NGEF: variants seen among roughly 807,000 people sequenced by gnomAD.
The protein encoded by NGEF is neuronal guanine nucleotide exchange factor, also known as ephexin-1.
A neutral mutation model predicts 80.9 loss-of-function variants in NGEF; 31 were observed. The ratio of observed to expected loss-of-function variants is 0.38; its 90% CI spans 0.29 to 0.52. The LOEUF (loss-of-function observed/expected upper bound fraction) is 0.52, where lower values mean the gene tolerates loss of function less well. NGEF is among the 20% of genes least tolerant of loss of function. The pLI, the probability that NGEF is intolerant of heterozygous loss-of-function variation, is 0.84. For missense variants in NGEF, 709 were observed against 926.2 expected (o/e 0.77, Z 3.04); for synonymous variants, 371 against 370.2 (o/e 1.00, Z -0.03).
intron 3 of NGEF, among the ~76,000 whole-genome samples, chr2:232,946,510 G>C (rs1226743500): frequency 6.6e-6 from 1 of 152,154 alleles, no homozygotes; most frequent in Non-Finnish European, 1.5e-5. Context: ...TGGAATTAGG[G>C]TATTCATGTG....
At chr2:232,912,392 T>C (rs2106267710) in intron 5 of NGEF, among the ~76,000 whole-genome samples, 1 of 152,322 alleles carries the variant, frequency 6.6e-6, no homozygotes, top group South Asian at 2.1e-4. Context: ...GCTCTTTTTA[T>C]ACATTGCTGG....
intron 3 of NGEF, among the ~76,000 whole-genome samples, chr2:232,939,175 C>CAAAAAAAA (rs60357492): frequency 3.0e-5 from 2 of 66,072 alleles, no homozygotes; most frequent in Non-Finnish European, 5.6e-5. Flanking sequence ...GACTCAGTCT[C>CAAAAAAAA]AAAAAAAAAA....
intron 1 of NGEF, among the ~76,000 whole-genome samples, chr2:232,979,931 G>A (rs1218205442): frequency 6.6e-5 from 10 of 151,808 alleles, no homozygotes; most frequent in Admixed American, 6.6e-4. Context: ...ATGAGTCAAT[G>A]TGATAATTAC....
chr2:232,923,899 A>C (rs2106280266), intron 4 of NGEF, among the ~76,000 whole-genome samples: 1 of 152,216 alleles, frequency 6.6e-6, no homozygotes, highest in South Asian at 2.1e-4. Flanking sequence ...CTAAGACATG[A>C]GGGCACTGCC....
chr2:232,894,591 T>C, intron 6 of NGEF, 165 bp downstream of exon 6: 1 of 719,208 alleles, frequency 1.4e-6, no homozygotes, highest in South Asian at 4.5e-5. Flanking sequence ...GAAGGGGTGG[T>C]GAGGTTTGGA....
intron 7 of NGEF, among the ~76,000 whole-genome samples, chr2:232,891,965 GGGATGGCAGGGACGGCA>G (rs1691898204): frequency 6.8e-5 from 1 of 14,752 alleles, no homozygotes; most frequent in African/African-American, 1.9e-4. Context: ...CATGTCAGCA[GGGATGGCAGGGACGGCA>G]GGGACAGCAG....
At chr2:232,997,374 G>A (rs1694876021) in intron 1 of NGEF, among the ~76,000 whole-genome samples, 1 of 152,178 alleles carries the variant, frequency 6.6e-6, no homozygotes, top group South Asian at 2.1e-4. Context: ...CCTCACAGGG[G>A]TTGGAGGGAC....
At chr2:232,993,311 A>C (rs1461589414) in intron 1 of NGEF, among the ~76,000 whole-genome samples, 1 of 122,330 alleles carries the variant, frequency 8.2e-6, no homozygotes, top group East Asian at 2.9e-4. Context: ...CAATAAATAC[A>C]TGAAAAGATG....
In NGEF at chr2:232,879,430, C is replaced by CG. The variant is rs1559186709; in HGVS notation, c.*58_*59insC. The CG allele has an allele frequency of 2.0e-6, 3 of 1,465,560 alleles. No homozygotes were observed. The highest frequency in any genetic ancestry group is 1.4e-5 in the African/African-American group (1 of 71,382). The allele number at this position is 1,465,560 out of a possible 1,614,324, so 90.8% of individuals were successfully genotyped here. On this transcript the variant is annotated 3_prime_UTR_variant, in exon 15 of 15. Coordinates refer to ENST00000264051, the MANE Select transcript of NGEF (RefSeq NM_019850.3). ...CCTGTGCTTCCCAGAGCCCCCCCCC[C>CG]CCCACCTTCTGTCGGGGTCTCATGC...
rs553195575 is a variant in NGEF, at chr2:232,969,701, A to C, written c.383+513T>G. 4.0e-5 allele frequency among the ~76,000 whole-genome samples: 6 copies of C among 151,788 alleles called. No homozygotes were observed. In the South Asian group the frequency reaches 1.3e-3, roughly 32 times the overall value. On this transcript the variant is annotated intron_variant, in intron 3 of 14. Coordinates refer to ENST00000264051, the MANE Select transcript of NGEF (RefSeq NM_019850.3). ...TTTGTTTTTTGTATTTTTAGTAGAG[A>C]CAGGGTTTTGCCATGTTGGCCAGGC...
Position 232,892,810 on chromosome 2 carries a change from G to T in NGEF, c.1142+88C>A, listed in dbSNP as rs563051228. On this transcript the variant is annotated intron_variant, in intron 7 of 14. Coordinates refer to ENST00000264051, the MANE Select transcript of NGEF (RefSeq NM_019850.3). The surrounding 1 kb of genome is among the most constrained non-coding windows in gnomAD (Gnocchi z 4.0). ...ACGCAGAGGTAAAGGACCATGAAGTGTCACCGTGTAAGGAGCCTGGGCCAG... is the reference window on the plus strand; with the variant it reads ...ACGCAGAGGTAAAGGACCATGAAGTTTCACCGTGTAAGGAGCCTGGGCCAG... 1.7e-4 allele frequency: 241 copies of T among 1,405,844 alleles called. 8 individuals carry two copies. The South Asian group carries it at 2.8e-3, about 16-fold the overall frequency. The allele number at this position is 1,405,844 out of a possible 1,614,324, so 87.1% of individuals were successfully genotyped here.
At chr2:232,924,922 G>T (rs995773392) in intron 4 of NGEF, among the ~76,000 whole-genome samples, 7 of 152,204 alleles carry the variant, frequency 4.6e-5, no homozygotes, top group African/African-American at 1.7e-4. Context: ...CTGATACAGT[G>T]TGTAACCATT....
At chr2:232,923,798 G>A (rs906534717) in intron 4 of NGEF, among the ~76,000 whole-genome samples, 2 of 152,228 alleles carry the variant, frequency 1.3e-5, no homozygotes, top group Non-Finnish European at 2.9e-5. Context: ...CCTGGCTGCA[G>A]TGGTGTGAGT....
intron 5 of NGEF, among the ~76,000 whole-genome samples, chr2:232,896,118 C>T (rs1339267606): frequency 6.6e-6 from 1 of 152,162 alleles, no homozygotes; most frequent in Non-Finnish European, 1.5e-5. Context: ...TGAACTGTGG[C>T]CCCCACAGAA....
intron 5 of NGEF, among the ~76,000 whole-genome samples, chr2:232,898,786 C>T (rs374225519): frequency 6.6e-6 from 1 of 152,200 alleles, no homozygotes; most frequent in African/African-American, 2.4e-5. Flanking sequence ...ATGGCACTTT[C>T]GTCCCAGGGT....
rs1428277997 is a variant in NGEF at position 232,995,372 on chromosome 2, T to C, written c.-75+17696A>G. ...GTATGTATACTGTATACTGTATATA[T>C]ATACACAGTATGTATACTGTATACT... is the stretch of plus-strand genomic sequence containing the variant. On this transcript the variant is annotated intron_variant, in intron 1 of 14. Transcript: ENST00000264051. Among the ~76,000 whole-genome samples, 2 of 16,440 alleles carry C rather than the reference T, an allele frequency of 1.2e-4. 1 individual carries two copies. The highest frequency in any genetic ancestry group is 2.0e-4 in the Non-Finnish European group (2 of 10,070). 10.8% of individuals were successfully genotyped at this position (16,440 alleles called of 152,430 possible).
chr2:232,883,098 CGT>C (rs1691568093), intron 12 of NGEF, among the ~76,000 whole-genome samples: 1 of 152,096 alleles, frequency 6.6e-6, no homozygotes, highest in African/African-American at 2.4e-5. Flanking sequence ...CACGCACACA[CGT>C]ACACGCGTAC....
chr2:233,003,320 G>A (rs562068394), intron 1 of NGEF, among the ~76,000 whole-genome samples: 3 of 152,064 alleles, frequency 2.0e-5, no homozygotes, highest in Non-Finnish European at 4.4e-5. Context: ...ACAGCAGCGC[G>A]GGGTGCTCTT....
At chr2:232,921,945 A>G (rs1692954200) in intron 4 of NGEF, among the ~76,000 whole-genome samples, 1 of 152,168 alleles carries the variant, frequency 6.6e-6, no homozygotes, top group South Asian at 2.1e-4. Context: ...GTGGGACGGC[A>G]GAGACCAGAG....
Sources: allele counts gnomAD v4.1 joint callset (sites outside exome capture counted in the v4.1 genomes callset), GRCh38; gene constraint gnomAD v4.1.1; non-coding constraint Gnocchi (gnomAD v3.1); transcripts MANE v1.5; gene names NCBI Gene and HGNC (gene_info 2026-07-23, HGNC 2026-07-21).